The following OXR1 variants were observed in gnomAD, a reference collection of about 807,000 sequenced individuals.
OXR1 encodes the protein oxidation resistance 1.
A neutral mutation model predicts 104.6 loss-of-function variants in OXR1; 41 were observed. That is an observed-to-expected ratio of 0.39 (90% CI 0.31 to 0.51). The LOEUF is 0.51. OXR1 is among the 20% of genes least tolerant of loss of function. The pLI is 0.77. For missense variants in OXR1, 955 were observed against 1,031.9 expected (o/e 0.93, Z 1.02); for synonymous variants, 348 against 348.4 (o/e 1.00, Z 0.01).
At chr8:106,468,279 A>C (rs1180612911) in intron 2 of OXR1, among the ~76,000 whole-genome samples, 3 of 151,784 alleles carry the variant, frequency 2.0e-5, no homozygotes, top group African/African-American at 7.3e-5. Context: ...AGAAAGTGAC[A>C]AGTGCTATGA....
At chr8:106,310,914 T>A (rs189496401) in intron 1 of OXR1, among the ~76,000 whole-genome samples, 2 of 152,296 alleles carry the variant, frequency 1.3e-5, no homozygotes, top group African/African-American at 2.4e-5. Context: ...CATTTTTTTA[T>A]CCATTGTGTA....
rs1396949574 is a variant in OXR1 at position 106,359,326 on chromosome 8, T to C, written c.-138-150T>C. 4 of 310,322 alleles carry C rather than the reference T, an allele frequency of 1.3e-5. No individual in the cohort carries two copies. In the Admixed American group the frequency reaches 1.3e-4, roughly 10 times the overall value. The allele number at this position is 310,322 out of a possible 1,614,324, so 19.2% of individuals were successfully genotyped here. A position where few individuals can be genotyped will look rare whatever the true frequency, so the allele number is the denominator to read the frequency against. ...ATGGTTGGTTTAATTTTATCTTTGG[T>C]TTATTACATGTCTTATATTTTAAGA... is the stretch of plus-strand genomic sequence containing the variant. On this transcript the variant is annotated intron_variant, in intron 1 of 16. Coordinates refer to ENST00000517566, the MANE Select transcript of OXR1 (RefSeq NM_001198533.2).
At chr8:106,463,843 A>G (rs542167255) in intron 2 of OXR1, among the ~76,000 whole-genome samples, 4 of 152,086 alleles carry the variant, frequency 2.6e-5, no homozygotes, top group East Asian at 1.9e-4. Flanking sequence ...CTTTTTTGCT[A>G]TATTATGGAA....
At chr8:106,686,174 T>G (rs1438445667) in intron 6 of OXR1, among the ~76,000 whole-genome samples, 1 of 151,906 alleles carries the variant, frequency 6.6e-6, no homozygotes, top group Non-Finnish European at 1.5e-5. Context: ...TTGGGTACAG[T>G]GTACACTGCT....
intron 2 of OXR1, among the ~76,000 whole-genome samples, chr8:106,490,388 T>TCC (rs536545989): frequency 6.6e-6 from 1 of 152,124 alleles, no homozygotes; most frequent in Non-Finnish European, 1.5e-5. Flanking sequence ...AGATGGAGTC[T>TCC]CACTCTGCTG....
chr8:106,751,878 T>C lies in OXR1; in HGVS notation c.*937T>C, dbSNP rs1587341492. On this transcript the variant is annotated 3_prime_UTR_variant, in exon 17 of 17. Transcript: ENST00000517566. ...CTCTTGTTCAAAAGGAAAAAAAAAA[T>C]TGTGATTTTCTTTGAGTGGTATATG... is the stretch of plus-strand genomic sequence containing the variant. The C allele has an allele frequency of 6.6e-6, 1 of 152,228 alleles. No individual in the cohort carries two copies. Among genetic ancestry groups the C allele is most frequent in the African/African-American group, 2.4e-5 (1 of 41,358 alleles). The allele number at this position is 152,228 out of a possible 1,614,324, so 9.4% of individuals were successfully genotyped here. A position where few individuals can be genotyped will look rare whatever the true frequency, so the allele number is the denominator to read the frequency against.
At chr8:106,671,436 T>C (rs557572493) in intron 3 of OXR1, among the ~76,000 whole-genome samples, 46 of 152,230 alleles carry the variant, frequency 3.0e-4, no homozygotes, top group African/African-American at 7.9e-4. Context: ...GTTTCATATA[T>C]CTTGGCAGTG....
At chr8:106,666,711 G>A (rs1826372672) in intron 3 of OXR1, among the ~76,000 whole-genome samples, 1 of 152,164 alleles carries the variant, frequency 6.6e-6, no homozygotes, top group Non-Finnish European at 1.5e-5. Flanking sequence ...CTGAAGGCAG[G>A]CCAGAGTAAT....
intron 3 of OXR1, among the ~76,000 whole-genome samples, chr8:106,634,152 T>TG (rs1386282847): frequency 1.3e-5 from 2 of 152,182 alleles, no homozygotes; most frequent in Non-Finnish European, 2.9e-5. Flanking sequence ...TAAGATTTTT[T>TG]GAAAGTCTTA....
At chr8:106,519,662 A>G (rs2130113949) in intron 3 of OXR1, among the ~76,000 whole-genome samples, 1 of 152,316 alleles carries the variant, frequency 6.6e-6, no homozygotes, top group East Asian at 1.9e-4. Flanking sequence ...TTGTGGGTCT[A>G]TTTTGACCTT....
intron 1 of OXR1, among the ~76,000 whole-genome samples, chr8:106,333,097 A>G (rs1814789721): frequency 1.3e-5 from 2 of 152,114 alleles, no homozygotes; most frequent in African/African-American, 4.8e-5. Flanking sequence ...TAACACTTCT[A>G]TCAACATTCA....
chr8:106,506,340 G>A (rs190069269), intron 2 of OXR1, among the ~76,000 whole-genome samples: 36 of 152,322 alleles, frequency 2.4e-4, no homozygotes, highest in Admixed American at 7.2e-4. Flanking sequence ...TTGGCCAGGC[G>A]CGGTGGCTCA....
At chr8:106,425,989 C>G (rs1258341903) in intron 2 of OXR1, among the ~76,000 whole-genome samples, 1 of 152,024 alleles carries the variant, frequency 6.6e-6, no homozygotes, top group Non-Finnish European at 1.5e-5. Flanking sequence ...AAGGGGAGAG[C>G]CATAGGAGCT....
At chr8:106,482,376 C>T (rs1822179728) in intron 2 of OXR1, among the ~76,000 whole-genome samples, 1 of 146,718 alleles carries the variant, frequency 6.8e-6, no homozygotes, top group African/African-American at 2.5e-5. Context: ...GATGATGAGG[C>T]AGTGTGGGAT....
intron 1 of OXR1, among the ~76,000 whole-genome samples, chr8:106,343,842 T>TA (rs1170665073): frequency 6.6e-6 from 1 of 152,218 alleles, no homozygotes; most frequent in East Asian, 1.9e-4. Context: ...ACTTAATTTT[T>TA]AAAACAACAT....
intron 2 of OXR1, among the ~76,000 whole-genome samples, chr8:106,480,160 A>G (rs1822028646): frequency 6.6e-6 from 1 of 151,996 alleles, no homozygotes; most frequent in Non-Finnish European, 1.5e-5. Flanking sequence ...TGTGATAAAT[A>G]ATTGGGAGGA....
chr8:106,657,318 TAAA>T (rs10709844), intron 3 of OXR1, among the ~76,000 whole-genome samples: 2 of 146,888 alleles, frequency 1.4e-5, no homozygotes, highest in African/African-American at 2.5e-5. Flanking sequence ...TCCTTAAACA[TAAA>T]AAAAAAAAAA....
chr8:106,340,338 G>C (rs76841683), intron 1 of OXR1, among the ~76,000 whole-genome samples: 3,915 of 152,096 alleles, frequency 0.026, 155 homozygotes, highest in African/African-American at 0.088. Context: ...AAAGGTATAT[G>C]TAATTATATG....
At chr8:106,694,504 T>A (rs1409019286) in intron 7 of OXR1, among the ~76,000 whole-genome samples, 4 of 134,568 alleles carry the variant, frequency 3.0e-5, no homozygotes, top group Non-Finnish European at 3.1e-5. Context: ...AAATATGTTT[T>A]TATATATATT....
Sources: allele counts gnomAD v4.1 joint callset (sites outside exome capture counted in the v4.1 genomes callset), GRCh38; gene constraint gnomAD v4.1.1; transcripts MANE v1.5; gene names NCBI Gene and HGNC (gene_info 2026-07-23, HGNC 2026-07-21).